GALNTL6: variants seen among roughly 807,000 people sequenced by gnomAD.
GALNTL6 encodes the protein polypeptide N-acetylgalactosaminyltransferase-like 6.
In GALNTL6, 46 loss-of-function variants were observed where a neutral mutation model predicts 73.7. The observed-to-expected ratio is 0.62, with a 90% CI of 0.49 to 0.80. GALNTL6 has a LOEUF of 0.80. Among genes scored for constraint, GALNTL6 ranks in the 30% least tolerant of loss-of-function variants. The probability of loss-of-function intolerance (pLI) is 0.00; values close to 1 mark genes in which losing one functional copy is unlikely to be tolerated. For missense variants in GALNTL6, 604 were observed against 755.0 expected (o/e 0.80, Z 2.34); for synonymous variants, 259 against 263.7 (o/e 0.98, Z 0.17).
chr4:172,302,074 A>AC (rs957899644), intron 3 of GALNTL6, among the ~76,000 whole-genome samples: 1 of 152,026 alleles, frequency 6.6e-6, no homozygotes, highest in African/African-American at 2.4e-5. Context: ...AATGGCGGGC[A>AC]CCCCTTCCCC....
At chr4:173,036,561 T>C (rs148881268) in intron 12 of GALNTL6, among the ~76,000 whole-genome samples, 45 of 152,264 alleles carry the variant, frequency 3.0e-4, no homozygotes, top group Middle Eastern at 3.4e-3. Flanking sequence ...GCATTTCCTC[T>C]CAAGGATTTC....
intron 2 of GALNTL6, among the ~76,000 whole-genome samples, chr4:172,171,130 C>T (rs1734807605): frequency 1.3e-5 from 2 of 152,156 alleles, no homozygotes; most frequent in South Asian, 2.1e-4. Flanking sequence ...ATAGCCAAAG[C>T]ATGCTGTTGC....
intron 2 of GALNTL6, among the ~76,000 whole-genome samples, chr4:171,955,402 A>G (rs1272990190): frequency 2.0e-5 from 3 of 151,880 alleles, no homozygotes; most frequent in Admixed American, 2.0e-4. Flanking sequence ...ATATGTTTAC[A>G]CACACACATA....
chr4:172,598,491 C>G (rs1326347155), intron 5 of GALNTL6, among the ~76,000 whole-genome samples: 5 of 152,044 alleles, frequency 3.3e-5, no homozygotes, highest in Admixed American at 3.3e-4. Context: ...TCCAGAAGAC[C>G]AGTTGCAGAG....
At chr4:172,674,081 T>C (rs1732143199) in intron 5 of GALNTL6, among the ~76,000 whole-genome samples, 2 of 152,210 alleles carry the variant, frequency 1.3e-5, no homozygotes, top group African/African-American at 4.8e-5. Flanking sequence ...TACTTCAGTG[T>C]GTTTTTGTAG....
intron 2 of GALNTL6, among the ~76,000 whole-genome samples, chr4:172,166,369 C>A (rs1734625651): frequency 6.6e-6 from 1 of 152,102 alleles, no homozygotes; most frequent in Non-Finnish European, 1.5e-5. Flanking sequence ...TCGCTTGAAC[C>A]CAGGAGGCGG....
chr4:171,989,457 A>G (rs1740256993), intron 2 of GALNTL6, among the ~76,000 whole-genome samples: 1 of 152,304 alleles, frequency 6.6e-6, no homozygotes, highest in East Asian at 1.9e-4. Flanking sequence ...GGCTGTGGGC[A>G]TTCCTTGGCC....
chr4:172,120,619 G>A (rs548548822), intron 2 of GALNTL6, among the ~76,000 whole-genome samples: 16 of 151,898 alleles, frequency 1.1e-4, no homozygotes, highest in African/African-American at 2.7e-4. Context: ...TTTGGGGACC[G>A]TGATTCACCC....
intron 2 of GALNTL6, among the ~76,000 whole-genome samples, chr4:172,151,872 T>G (rs1734096999): frequency 6.6e-6 from 1 of 150,746 alleles, no homozygotes; most frequent in African/African-American, 2.4e-5. Context: ...TTTCCATATA[T>G]ATATATTTTA....
chr4:172,482,268 C>T lies in GALNTL6; in HGVS notation c.553+133579C>T, dbSNP rs546682888. On this transcript the variant is annotated intron_variant, in intron 5 of 12. Transcript: ENST00000506823. ...CTGCGCCTCTCCCTCCACACCTCCCCGCAAGCAGAGGGAGCTGGCTCCAGC... is the reference window on the plus strand; with the variant it reads ...CTGCGCCTCTCCCTCCACACCTCCCTGCAAGCAGAGGGAGCTGGCTCCAGC... 1.1e-3 allele frequency among the ~76,000 whole-genome samples: 169 copies of T among 152,338 alleles called. 2 individuals are homozygous for T. The South Asian group carries it at 0.015, about 14-fold the overall frequency.
chr4:172,677,599 A>G (rs1342746036), intron 5 of GALNTL6, among the ~76,000 whole-genome samples: 1 of 152,090 alleles, frequency 6.6e-6, no homozygotes, highest in Non-Finnish European at 1.5e-5. Flanking sequence ...GAGTAGAATA[A>G]AGGGTAAAAT....
chr4:171,929,066 GTTA>G (rs1560845552), intron 2 of GALNTL6, among the ~76,000 whole-genome samples: 1 of 151,834 alleles, frequency 6.6e-6, no homozygotes, highest in Non-Finnish European at 1.5e-5. Context: ...TCATTTTACT[GTTA>G]TTATTATTAT....
rs116251001 is a variant in GALNTL6 at position 172,281,425 on chromosome 4, A to G, written c.248-30189A>G. On this transcript the variant is annotated intron_variant, in intron 3 of 12. Transcript: ENST00000506823. ...TAAAAGACCCTGTTGACCAGGCGTG[A>G]TGTTCACGCCTGTAATCCGAGCACT... Among the ~76,000 whole-genome samples the G allele has an allele frequency of 7.5e-3, 1,133 of 151,846 alleles. 14 individuals are homozygous for G. The highest frequency in any genetic ancestry group is 0.026 in the African/African-American group (1,085 of 41,424).
intron 4 of GALNTL6, among the ~76,000 whole-genome samples, chr4:172,312,003 A>G (rs1039769): frequency 0.42 from 63,228 of 152,016 alleles, 15,140 homozygotes; most frequent in South Asian, 0.64. Flanking sequence ...TCATTAACAT[A>G]AAATATTTTA....
intron 7 of GALNTL6, among the ~76,000 whole-genome samples, chr4:172,843,989 G>A (rs903373949): frequency 6.6e-6 from 1 of 152,168 alleles, no homozygotes; most frequent in Non-Finnish European, 1.5e-5. Flanking sequence ...AACCCGGAAG[G>A]GGGATGTTGC....
intron 2 of GALNTL6, among the ~76,000 whole-genome samples, chr4:171,831,563 C>G (rs1407314664): frequency 6.6e-6 from 1 of 151,790 alleles, no homozygotes; most frequent in Non-Finnish European, 1.5e-5. Context: ...GACCTTCTTT[C>G]ATTTCACTTG....
chr4:171,877,334 C>T (rs1354017324), intron 2 of GALNTL6, among the ~76,000 whole-genome samples: 1 of 152,082 alleles, frequency 6.6e-6, no homozygotes, highest in African/African-American at 2.4e-5. Context: ...ATCTTAAATG[C>T]CATTGGTAGA....
intron 3 of GALNTL6, among the ~76,000 whole-genome samples, chr4:172,241,669 G>A (rs141865031): frequency 3.9e-5 from 6 of 152,238 alleles, no homozygotes; most frequent in African/African-American, 9.6e-5. Flanking sequence ...CAAATGTTAA[G>A]GCATTAAGGC....
intron 8 of GALNTL6, among the ~76,000 whole-genome samples, chr4:172,912,922 T>G (rs1275385529): frequency 6.6e-6 from 1 of 152,176 alleles, no homozygotes; most frequent in East Asian, 1.9e-4. Flanking sequence ...CCTCCTCAAG[T>G]GGGCCTCTGA....
Sources: allele counts gnomAD v4.1 joint callset (sites outside exome capture counted in the v4.1 genomes callset), GRCh38; gene constraint gnomAD v4.1.1; transcripts MANE v1.5; gene names NCBI Gene and HGNC (gene_info 2026-07-23, HGNC 2026-07-21).